MEOX2: variants seen among roughly 807,000 people sequenced by gnomAD.
MEOX2 encodes the protein homeobox protein MOX-2.
MEOX2 carries 11 observed loss-of-function variants against 27.0 expected under a neutral mutation model. The ratio of observed to expected loss-of-function variants is 0.41; its 90% CI spans 0.26 to 0.68. The LOEUF (loss-of-function observed/expected upper bound fraction) is 0.68. Among genes scored for constraint, MEOX2 ranks in the 30% least tolerant of loss-of-function variants. The probability of loss-of-function intolerance (pLI) is 0.33; values close to 1 mark genes in which losing one functional copy is unlikely to be tolerated. For synonymous variants in MEOX2, 189 were observed against 155.4 expected (o/e 1.22, Z -1.61); for missense variants, 436 against 385.4 (o/e 1.13, Z -1.10).
intron 1 of MEOX2, among the ~76,000 whole-genome samples, chr7:15,667,349 C>T (rs571945592): frequency 6.8e-5 from 10 of 147,670 alleles, no homozygotes; most frequent in African/African-American, 2.5e-4. Context: ...GAGGCAGCTG[C>T]CACCCTTTTC....
intron 1 of MEOX2, among the ~76,000 whole-genome samples, chr7:15,630,133 C>T (rs1432485521): frequency 6.6e-6 from 1 of 151,988 alleles, no homozygotes; most frequent in Non-Finnish European, 1.5e-5. Context: ...CCTGTGGGTC[C>T]ATTCACACAC....
chr7:15,669,645 A>G (rs2115389766), intron 1 of MEOX2, among the ~76,000 whole-genome samples: 1 of 152,370 alleles, frequency 6.6e-6, no homozygotes, highest in African/African-American at 2.4e-5. Context: ...ACGGCCAAAC[A>G]GGCCCAGATG....
intron 1 of MEOX2, among the ~76,000 whole-genome samples, chr7:15,629,809 C>G (rs189798017): frequency 1.3e-5 from 2 of 152,118 alleles, no homozygotes; most frequent in African/African-American, 2.4e-5. Context: ...CTATCACTTG[C>G]TGACCCTAAG....
intron 1 of MEOX2, among the ~76,000 whole-genome samples, chr7:15,639,886 G>A (rs1276496974): frequency 6.6e-6 from 1 of 152,008 alleles, no homozygotes; most frequent in African/African-American, 2.4e-5. Flanking sequence ...TTTGAAGTCA[G>A]GTAATGTCAT....
rs1327574203 is a variant in MEOX2, at chr7:15,611,800, T to C, written c.*587A>G. 6.5e-6 allele frequency: 1 copy of C among 153,362 alleles called. No homozygotes were observed. Among genetic ancestry groups the C allele is most frequent in the East Asian group, 1.9e-4 (1 of 5,204 alleles). 9.5% of individuals were successfully genotyped at this position (153,362 alleles called of 1,614,324 possible). ...ATTTTCATCAGCTAATATGAATGCATTGCTAAATTAGTGAAGACAGGAAAA... is the reference window on the plus strand; with the variant it reads ...ATTTTCATCAGCTAATATGAATGCACTGCTAAATTAGTGAAGACAGGAAAA... On this transcript the variant is annotated 3_prime_UTR_variant, in exon 3 of 3. Transcript: ENST00000262041.
intron 2 of MEOX2, among the ~76,000 whole-genome samples, chr7:15,626,004 G>A (rs1293828724): frequency 6.6e-6 from 1 of 152,074 alleles, no homozygotes. Context: ...GGGTAAAGGG[G>A]CAGAAATATT....
At chr7:15,620,163 T>C (rs955459006) in intron 2 of MEOX2, among the ~76,000 whole-genome samples, 3 of 152,160 alleles carry the variant, frequency 2.0e-5, no homozygotes, top group Non-Finnish European at 4.4e-5. Flanking sequence ...ATTTTACCAG[T>C]TGTAGTCAAA....
intron 1 of MEOX2, among the ~76,000 whole-genome samples, chr7:15,641,029 G>A (rs986512411): frequency 6.6e-5 from 10 of 151,844 alleles, no homozygotes; most frequent in East Asian, 1.9e-4. Flanking sequence ...TTTTGATATC[G>A]TGGTAGGATG....
At chr7:15,619,434 T>A (rs990992005) in intron 2 of MEOX2, among the ~76,000 whole-genome samples, 7 of 151,978 alleles carry the variant, frequency 4.6e-5, no homozygotes, top group Admixed American at 6.6e-5. Context: ...GCTTCCCTAG[T>A]GAGGAAACTG....
intron 2 of MEOX2, among the ~76,000 whole-genome samples, chr7:15,615,368 T>C (rs904414060): frequency 2.0e-5 from 3 of 151,864 alleles, no homozygotes; most frequent in African/African-American, 7.2e-5. Context: ...TTTTTGGTTT[T>C]TTTGTTTGTT....
chr7:15,655,326 C>A (rs375200218), intron 1 of MEOX2, among the ~76,000 whole-genome samples: 1 of 151,510 alleles, frequency 6.6e-6, no homozygotes, highest in African/African-American at 2.4e-5. Flanking sequence ...TTTCAAAGAA[C>A]GAGCTTTTTA....
chr7:15,629,986 G>A (rs1781377148), intron 1 of MEOX2, among the ~76,000 whole-genome samples: 1 of 151,978 alleles, frequency 6.6e-6, no homozygotes, highest in South Asian at 2.1e-4. Context: ...TATGCCAAAT[G>A]GTAGGTGCTG....
rs368900737 is a variant in MEOX2 at position 15,659,404 on chromosome 7, T to C, written c.517+26482A>G. Among the ~76,000 whole-genome samples, 68 of 152,272 alleles carry C rather than the reference T, an allele frequency of 4.5e-4. 2 individuals carry two copies. In the South Asian group the frequency reaches 0.014, roughly 31 times the overall value. Reference sequence around the variant, plus strand: ...GTGTGTGCATATAAAATGAAAATTTTATATCTGTGTCTGCTATGTGTCAAA... The same window carrying C: ...GTGTGTGCATATAAAATGAAAATTTCATATCTGTGTCTGCTATGTGTCAAA... On this transcript the variant is annotated intron_variant, in intron 1 of 2. Transcript: ENST00000262041.
At chr7:15,670,410 C>G (rs1483748759) in intron 1 of MEOX2, among the ~76,000 whole-genome samples, 3 of 152,140 alleles carry the variant, frequency 2.0e-5, no homozygotes, top group Admixed American at 2.0e-4. Context: ...ATCTGATAAT[C>G]TCTTTGTCCA....
At chr7:15,678,690 A>G (rs1782242578) in intron 1 of MEOX2, among the ~76,000 whole-genome samples, 1 of 152,242 alleles carries the variant, frequency 6.6e-6, no homozygotes, top group Admixed American at 6.5e-5. Flanking sequence ...GCAAATAACT[A>G]TCACTTTGCA....
intron 1 of MEOX2, among the ~76,000 whole-genome samples, chr7:15,654,834 ACT>A (rs555629476): frequency 1.1e-4 from 17 of 151,672 alleles, no homozygotes; most frequent in Non-Finnish European, 2.1e-4. Context: ...GAGCAATATA[ACT>A]CTGTGGTTTT....
At chr7:15,685,831 T>C (rs1230036122) in intron 1 of MEOX2, 55 bp downstream of exon 1, 1 of 1,537,378 alleles carries the variant, frequency 6.5e-7, no homozygotes, top group Non-Finnish European at 8.7e-7. Flanking sequence ...CTAGTATCTC[T>C]CCGCCCCTTT....
At chr7:15,634,408 C>A (rs1317441726) in intron 1 of MEOX2, among the ~76,000 whole-genome samples, 1 of 151,928 alleles carries the variant, frequency 6.6e-6, no homozygotes, top group Non-Finnish European at 1.5e-5. Flanking sequence ...ATATGGTTCT[C>A]CCAGTCCAAT....
intron 1 of MEOX2, among the ~76,000 whole-genome samples, chr7:15,632,964 T>C (rs2115364959): frequency 6.6e-6 from 1 of 152,102 alleles, no homozygotes; most frequent in African/African-American, 2.4e-5. Context: ...ACAGTGGGAC[T>C]AAAGGCCCTA....
Sources: allele counts gnomAD v4.1 joint callset (sites outside exome capture counted in the v4.1 genomes callset), GRCh38; gene constraint gnomAD v4.1.1; transcripts MANE v1.5; gene names NCBI Gene and HGNC (gene_info 2026-07-23, HGNC 2026-07-21).